MICAL2: variants seen among roughly 807,000 people sequenced by gnomAD.
MICAL2 encodes microtubule associated monooxygenase, calponin and LIM domain containing 2, also known as [F-actin]-monooxygenase MICAL2.
In MICAL2, 77 loss-of-function variants were observed where a neutral mutation model predicts 127.3. The observed-to-expected ratio is 0.60, with a 90% CI of 0.50 to 0.73. The LOEUF (loss-of-function observed/expected upper bound fraction) is 0.73. MICAL2 is among the 30% of genes least tolerant of loss of function. The pLI is 0.00. For missense variants in MICAL2, 1,351 were observed against 1,434.4 expected, an observed-to-expected ratio of 0.94 and a Z score of 0.94; for synonymous variants, 570 against 551.1, an observed-to-expected ratio of 1.03 and a Z score of -0.48.
At chr11:12,247,145 C>T (rs536499253) in intron 21 of MICAL2, among the ~76,000 whole-genome samples, 8 of 152,244 alleles carry the variant, frequency 5.3e-5, no homozygotes, top group Admixed American at 1.3e-4. Context: ...CAGTGCTCTC[C>T]TGTGTCCTGC....
chr11:12,319,954 A>G, intron 30 of MICAL2: 1 of 581,876 alleles, frequency 1.7e-6, no homozygotes, highest in Non-Finnish European at 3.0e-6. Context: ...TGCTCTCTTT[A>G]CCTTGAACAC....
intron 24 of MICAL2, among the ~76,000 whole-genome samples, chr11:12,268,930 C>T (rs980010501): frequency 1.3e-5 from 2 of 151,926 alleles, no homozygotes; most frequent in Non-Finnish European, 2.9e-5. Flanking sequence ...ACCCGGGAGG[C>T]GGAGCTTGCA....
At chr11:12,218,431 G>A (rs1229702980) in intron 8 of MICAL2, among the ~76,000 whole-genome samples, 1 of 152,182 alleles carries the variant, frequency 6.6e-6, no homozygotes, top group African/African-American at 2.4e-5. Context: ...CTCTAGCCTA[G>A]TGTCTTCCCT....
chr11:12,305,930 T>C (rs912069698), intron 29 of MICAL2, among the ~76,000 whole-genome samples: 24 of 144,428 alleles, frequency 1.7e-4, no homozygotes, highest in African/African-American at 6.4e-4. Flanking sequence ...AGCTTTAGAA[T>C]ATTGAGTCTT....
At chr11:12,272,132 C>T (rs1863681708), upstream of MICAL2, among the ~76,000 whole-genome samples, 1 of 152,176 alleles carries the variant, frequency 6.6e-6, no homozygotes, top group Non-Finnish European at 1.5e-5. Flanking sequence ...CTGGGTGTTC[C>T]TTACAGGTTT....
chr11:12,340,258 C>T (rs1938838493), intron 32 of MICAL2, among the ~76,000 whole-genome samples: 3 of 152,160 alleles, frequency 2.0e-5, no homozygotes, highest in African/African-American at 7.2e-5. Context: ...TAAATATTCT[C>T]TTCACAGAAG....
In MICAL2 at chr11:12,215,349, A is replaced by G. The variant is rs919832475; in HGVS notation, c.848-870A>G. Among the ~76,000 whole-genome samples the G allele has an allele frequency of 2.6e-5, 4 of 152,162 alleles. No homozygotes were observed. The East Asian group carries it at 5.8e-4, about 22-fold the overall frequency. ...ATTTAACCGTAATAAAGGTGCTCCTATGGTTACCCAGCACGCCTTGTGTAA... is the reference window on the plus strand; with the variant it reads ...ATTTAACCGTAATAAAGGTGCTCCTGTGGTTACCCAGCACGCCTTGTGTAA... On this transcript the variant is annotated intron_variant, in intron 7 of 27. Coordinates refer to ENST00000683283, the MANE Select transcript of MICAL2 (RefSeq NM_001282663.2).
chr11:12,272,394 A>T (rs771679322), upstream of MICAL2, among the ~76,000 whole-genome samples: 1 of 152,118 alleles, frequency 6.6e-6, no homozygotes, highest in Non-Finnish European at 1.5e-5. Flanking sequence ...TATCACGTAG[A>T]TATTTGTGAA....
chr11:12,322,724 A>G (rs1864312583), intron 30 of MICAL2, among the ~76,000 whole-genome samples: 1 of 152,208 alleles, frequency 6.6e-6, no homozygotes, highest in African/African-American at 2.4e-5. Context: ...CTGTGTGTGT[A>G]TGTATAATAT....
At chr11:12,216,530 C>T (rs945841697) in intron 8 of MICAL2, 8 of 579,416 alleles carry the variant, frequency 1.4e-5, no homozygotes, top group East Asian at 8.5e-5. Context: ...TGCAGAGGGA[C>T]GTGTGCTGCT....
intron 1 of MICAL2, among the ~76,000 whole-genome samples, chr11:12,132,789 C>G (rs1357794560): frequency 6.6e-6 from 1 of 152,222 alleles, no homozygotes; most frequent in Admixed American, 6.5e-5. Flanking sequence ...ATCACAGTTC[C>G]CAGTTTAATT....
At chr11:12,245,729 T>C (rs1234224445) in intron 21 of MICAL2, among the ~76,000 whole-genome samples, 1 of 152,248 alleles carries the variant, frequency 6.6e-6, no homozygotes, top group Non-Finnish European at 1.5e-5. Flanking sequence ...GGTTCTGGGC[T>C]CATGTTACAG....
chr11:12,325,805 G>A (rs1044787828), intron 31 of MICAL2, among the ~76,000 whole-genome samples: 5 of 152,202 alleles, frequency 3.3e-5, no homozygotes, highest in Admixed American at 1.3e-4. Context: ...ATATGCATTT[G>A]GGGTGGGACA....
intron 3 of MICAL2, among the ~76,000 whole-genome samples, chr11:12,203,212 G>C (rs1490145589): frequency 1.3e-5 from 2 of 152,140 alleles, no homozygotes; most frequent in East Asian, 3.9e-4. Flanking sequence ...GAATGACGCC[G>C]CCATGAACAT....
In MICAL2 at chr11:12,256,911, C is replaced by T. The variant is rs751050743; in HGVS notation, c.3082C>T (p.Arg1028Cys). The T allele has an allele frequency of 1.1e-5, 17 of 1,614,050 alleles. No individual in the cohort carries two copies. Among genetic ancestry groups the T allele is most frequent in the Middle Eastern group, 1.6e-4 (1 of 6,082 alleles). Reference protein sequence around the residue: ...EGHFFHRECFRCSICATTLRL... With the variant: ...EGHFFHRECFCCSICATTLRL... The stretch of plus-strand genomic sequence containing the variant: ...CCACTTCTTCCACCGGGAGTGTTTC[C>T]GCTGCAGCATCTGTGCCACCACCTT... The change falls in exon 24 of 28, where the codon CGC becomes TGC. Residue 1028 changes from arginine to cysteine, a missense_variant. This residue lies in a region of MICAL2 where 752 missense variants were observed against 719.4 expected (regional missense o/e 1.05). Transcript: ENST00000683283.
chr11:12,281,511 G>T (rs997292452), intron 2 of MICAL2, among the ~76,000 whole-genome samples: 2 of 152,164 alleles, frequency 1.3e-5, no homozygotes, highest in African/African-American at 4.8e-5. Context: ...ACAACATGCA[G>T]CCCTGGATGG....
upstream of MICAL2, chr11:12,275,877 TG>T: frequency 2.5e-6 from 1 of 398,140 alleles, no homozygotes. Context: ...AGGTCAGCTT[TG>T]GAGTATCTGA....
At chr11:12,338,001 G>A (rs149495622) in intron 32 of MICAL2, among the ~76,000 whole-genome samples, 3,153 of 152,162 alleles carry the variant, frequency 0.021, 139 homozygotes, top group African/African-American at 0.073. Flanking sequence ...TCAATTCCTC[G>A]ATATCCTTGT....
At chr11:12,240,476 T>C (rs531946479) in intron 17 of MICAL2, among the ~76,000 whole-genome samples, 3 of 152,340 alleles carry the variant, frequency 2.0e-5, no homozygotes, top group African/African-American at 7.2e-5. Flanking sequence ...GTGGACTGTG[T>C]CCCTCCTGGG....
Sources: allele counts gnomAD v4.1 joint callset (sites outside exome capture counted in the v4.1 genomes callset), GRCh38; gene constraint gnomAD v4.1.1; regional missense constraint gnomAD v4.1.1; transcripts MANE v1.5; gene names NCBI Gene and HGNC (gene_info 2026-07-23, HGNC 2026-07-21).